The following PRKCE variants were observed in gnomAD, a reference collection of about 807,000 sequenced individuals.
The protein encoded by PRKCE is protein kinase C epsilon.
PRKCE carries 16 observed loss-of-function variants against 85.4 expected under a neutral mutation model. The observed-to-expected ratio is 0.19, with a 90% CI of 0.13 to 0.28. PRKCE has a LOEUF of 0.28. Among genes scored for constraint, PRKCE ranks in the 10% least tolerant of loss-of-function variants. PRKCE has a pLI of 1.00. For missense variants in PRKCE, 573 were observed against 975.2 expected, an observed-to-expected ratio of 0.59 and a Z score of 5.49; for synonymous variants, 388 against 371.5, an observed-to-expected ratio of 1.04 and a Z score of -0.51.
chr2:45,744,743 G>C (rs2104689937), intron 1 of PRKCE, among the ~76,000 whole-genome samples: 1 of 151,860 alleles, frequency 6.6e-6, no homozygotes, highest in Non-Finnish European at 1.5e-5. Flanking sequence ...TAGATAGCTG[G>C]GACCACAGGT....
At chr2:46,168,434 G>C (rs766382804) in intron 14 of PRKCE, among the ~76,000 whole-genome samples, 4 of 152,212 alleles carry the variant, frequency 2.6e-5, no homozygotes, top group Admixed American at 6.5e-5. Context: ...AAAGCTGGGA[G>C]GGATCAGGAA....
chr2:45,806,937 G>T (rs1339984978), intron 1 of PRKCE, among the ~76,000 whole-genome samples: 2 of 152,186 alleles, frequency 1.3e-5, no homozygotes, highest in Non-Finnish European at 2.9e-5. Context: ...GGCCCCTGAG[G>T]ATGTTTTGCC....
chr2:46,157,481 G>A (rs1196013476), intron 13 of PRKCE, among the ~76,000 whole-genome samples: 1 of 152,188 alleles, frequency 6.6e-6, no homozygotes, highest in Non-Finnish European at 1.5e-5. Context: ...CATGGAGGCT[G>A]CTAAACTGCC....
intron 2 of PRKCE, among the ~76,000 whole-genome samples, chr2:45,955,362 T>C (rs991821552): frequency 3.9e-5 from 6 of 152,150 alleles, no homozygotes; most frequent in African/African-American, 1.4e-4. Context: ...ACTGACCTGG[T>C]TGGTGTGATA....
intron 1 of PRKCE, among the ~76,000 whole-genome samples, chr2:45,678,973 A>C (rs17033982): frequency 6.6e-6 from 1 of 152,144 alleles, no homozygotes. Flanking sequence ...TGGTCACGCA[A>C]AAGAAAGGCT....
rs1678274757 is a variant in PRKCE at position 45,697,750 on chromosome 2, C to T, written c.348+45302C>T. Among the ~76,000 whole-genome samples the T allele has an allele frequency of 6.6e-6, 1 of 152,164 alleles. No individual in the cohort carries two copies. The highest frequency in any genetic ancestry group is 1.5e-5 in the Non-Finnish European group (1 of 68,034). On this transcript the variant is annotated intron_variant, in intron 1 of 14. Transcript: ENST00000306156. This position sits in a 1 kb window ranked among gnomAD's most constrained non-coding sequence, Gnocchi z 4.2. ...AGCCCCTCTCTTACTTTGAGGTTCC[C>T]ATTTCCAGACTGAAAGGACAGACTA...
chr2:45,811,582 C>T (rs4618101), intron 1 of PRKCE, among the ~76,000 whole-genome samples: 135,770 of 152,280 alleles, frequency 0.89, 60,594 homozygotes, highest in Admixed American at 0.92. Flanking sequence ...GTTCATGTTA[C>T]CTATTATCAA....
intron 10 of PRKCE, among the ~76,000 whole-genome samples, chr2:46,080,948 G>A (rs1669007265): frequency 6.7e-6 from 1 of 148,926 alleles, no homozygotes; most frequent in South Asian, 2.1e-4. Flanking sequence ...ACTTAACTAA[G>A]CAGTAAGAAT....
At chr2:46,018,426 C>T (rs528031407) in intron 10 of PRKCE, among the ~76,000 whole-genome samples, 15 of 152,120 alleles carry the variant, frequency 9.9e-5, no homozygotes, top group South Asian at 2.1e-4. Flanking sequence ...GCCGAGATCC[C>T]GCCACTGCCC....
intron 2 of PRKCE, among the ~76,000 whole-genome samples, chr2:45,922,216 G>A (rs1450986352): frequency 6.6e-6 from 1 of 152,190 alleles, no homozygotes; most frequent in Middle Eastern, 3.2e-3. Flanking sequence ...TCTGACACTG[G>A]GGGATTGCTG....
At chr2:45,772,625 G>A (rs1685432858) in intron 1 of PRKCE, among the ~76,000 whole-genome samples, 1 of 152,150 alleles carries the variant, frequency 6.6e-6, no homozygotes, top group African/African-American at 2.4e-5. Context: ...TGAGCTTGCT[G>A]CCTTCACTGG....
rs1680529178 is a variant in PRKCE at position 46,187,491 on chromosome 2, A to G, written c.*2610A>G. 6.6e-6 allele frequency: 1 copy of G among 152,542 alleles called. No individual in the cohort carries two copies. The highest frequency in any genetic ancestry group is 2.1e-4 in the South Asian group (1 of 4,834). 9.4% of individuals were successfully genotyped at this position (152,542 alleles called of 1,614,324 possible). A position where few individuals can be genotyped will look rare whatever the true frequency, so the allele number is the denominator to read the frequency against. ...CATTTTTACGAGAGTTTGAAAATAG[A>G]CACACTGTTAACACTTCTGCCAGTT... On this transcript the variant is annotated 3_prime_UTR_variant, in exon 15 of 15. Transcript: ENST00000306156.
chr2:45,741,610 C>G (rs889295120), intron 1 of PRKCE, among the ~76,000 whole-genome samples: 6 of 152,200 alleles, frequency 3.9e-5, no homozygotes, highest in Non-Finnish European at 7.3e-5. Flanking sequence ...CCGGCTCAGC[C>G]TGGCAGATGG....
chr2:45,749,970 A>T (rs144582321), intron 1 of PRKCE, among the ~76,000 whole-genome samples: 1,651 of 152,256 alleles, frequency 0.011, 39 homozygotes, highest in African/African-American at 0.038. Context: ...GAGAACATAT[A>T]TTCTGTATTA....
chr2:46,126,932 C>T (rs1010111027), intron 11 of PRKCE, among the ~76,000 whole-genome samples: 4 of 152,296 alleles, frequency 2.6e-5, no homozygotes, highest in Middle Eastern at 3.4e-3. Flanking sequence ...TAAGACCCAA[C>T]GTTAACAGAC....
At chr2:45,884,487 C>G (rs1158304030) in intron 2 of PRKCE, among the ~76,000 whole-genome samples, 1 of 152,172 alleles carries the variant, frequency 6.6e-6, no homozygotes, top group African/African-American at 2.4e-5. Flanking sequence ...TCTCTAAAGT[C>G]TCCATTTCTA....
In PRKCE at chr2:45,976,857, C is replaced by CTGTGTGTG. The variant is rs56287103; in HGVS notation, c.572+311_572+318dup. Among the ~76,000 whole-genome samples, 124 of 135,050 alleles carry CTGTGTGTG rather than the reference C, an allele frequency of 9.2e-4. 2 individuals are homozygous for CTGTGTGTG. Among genetic ancestry groups the CTGTGTGTG allele is most frequent in the Non-Finnish European group, 1.3e-3 (79 of 62,472 alleles). 88.6% of individuals were successfully genotyped at this position (135,050 alleles called of 152,430 possible). On this transcript the variant is annotated intron_variant, in intron 3 of 14. Transcript: ENST00000306156. ...TTAGTAACCAACAAGGATATTGTGA[C>CTGTGTGTG]TGTGTGTGTGTGTGTGTGTGTGTGT...
intron 2 of PRKCE, among the ~76,000 whole-genome samples, chr2:45,904,267 T>C (rs1696804654): frequency 1.3e-5 from 2 of 152,092 alleles, no homozygotes; most frequent in Non-Finnish European, 2.9e-5. Context: ...CAAAACAGTT[T>C]CTTAGAAAGA....
chr2:46,122,643 C>T (rs1035694953), intron 11 of PRKCE, among the ~76,000 whole-genome samples: 5 of 152,114 alleles, frequency 3.3e-5, no homozygotes, highest in African/African-American at 4.8e-5. Context: ...TGAAGTTCCT[C>T]GCTTTTATGA....
Sources: allele counts gnomAD v4.1 joint callset (sites outside exome capture counted in the v4.1 genomes callset), GRCh38; gene constraint gnomAD v4.1.1; non-coding constraint Gnocchi (gnomAD v3.1); transcripts MANE v1.5; gene names NCBI Gene and HGNC (gene_info 2026-07-23, HGNC 2026-07-21).